The following CACNA1C variants were observed in gnomAD, a reference collection of about 807,000 sequenced individuals.
CACNA1C encodes the protein calcium voltage-gated channel subunit alpha1 C, also known as voltage-dependent L-type calcium channel subunit alpha-1C.
A neutral mutation model predicts 229.0 loss-of-function variants in CACNA1C; 30 were observed. That is an observed-to-expected ratio of 0.13 (90% CI 0.10 to 0.18). CACNA1C has a LOEUF of 0.18. Ranked by LOEUF, CACNA1C falls within the 10% of genes least tolerant of loss-of-function variation. The pLI is 1.00. For synonymous variants in CACNA1C, 1,114 were observed against 1,132.5 expected (o/e 0.98, Z 0.33); for missense variants, 1,658 against 2,845.0 (o/e 0.58, Z 9.49).
At position 2,677,230 on chromosome 12, in the gene CACNA1C, C is replaced by T; in HGVS notation, c.4956+9C>T. The stretch of plus-strand genomic sequence containing the variant: ...ACGCGCTGTCTCTGCAGGTGAGGGC[C>T]TGGGGGCGGGCCCACACTCCAGGAA... On this transcript the variant is annotated intron_variant, in intron 40 of 46. Transcript: ENST00000399655. This position sits in a 1 kb window ranked among gnomAD's most constrained non-coding sequence, Gnocchi z 7.4. 1 of 1,613,104 alleles carries T rather than the reference C, an allele frequency of 6.2e-7. No individual in the cohort carries two copies. Among genetic ancestry groups the T allele is most frequent in the Non-Finnish European group, 8.5e-7 (1 of 1,179,568 alleles).
rs570840881 is a variant in CACNA1C at position 2,071,266 on chromosome 12, G to T, written c.49+17655G>T. 2.7e-5 allele frequency among the ~76,000 whole-genome samples: 4 copies of T among 149,410 alleles called. No individual in the cohort carries two copies. The South Asian group carries it at 8.7e-4, about 32-fold the overall frequency. ...GACAGGGTCTCACTCTGTTGCCCAG[G>T]CTTGAGCACAGTGAGTACTTGGCTC... On this transcript the variant is annotated intron_variant, in intron 1 of 46. Transcript: ENST00000399655.
At chr12:2,444,702 G>A (rs966575835) in intron 3 of CACNA1C, among the ~76,000 whole-genome samples, 2 of 152,088 alleles carry the variant, frequency 1.3e-5, no homozygotes, top group East Asian at 3.9e-4. Flanking sequence ...CATCCACACA[G>A]TCACCCAAAT....
At chr12:2,650,508 C>T (rs1324233406) in intron 31 of CACNA1C, among the ~76,000 whole-genome samples, 6 of 152,284 alleles carry the variant, frequency 3.9e-5, no homozygotes, top group East Asian at 1.9e-4. Flanking sequence ...CATTCTCTCC[C>T]GGTGCCCGCA....
chr12:2,442,643 G>A (rs2099240155), intron 3 of CACNA1C, among the ~76,000 whole-genome samples: 1 of 152,154 alleles, frequency 6.6e-6, no homozygotes, highest in South Asian at 2.1e-4. Flanking sequence ...ACTGGGTAAT[G>A]TATAAGAAAA....
At chr12:2,372,113 C>T (rs970508395) in intron 3 of CACNA1C, among the ~76,000 whole-genome samples, 8 of 152,134 alleles carry the variant, frequency 5.3e-5, no homozygotes, top group Non-Finnish European at 1.0e-4. Flanking sequence ...TGAAACCCCT[C>T]GTTATAAGAA....
chr12:2,150,242 A>G (rs1174886613), intron 3 of CACNA1C, among the ~76,000 whole-genome samples: 1 of 152,196 alleles, frequency 6.6e-6, no homozygotes, highest in Admixed American at 6.5e-5. Context: ...AATAACACGG[A>G]GAATAGGATG....
At chr12:2,432,830 T>C (rs2099099268) in intron 3 of CACNA1C, among the ~76,000 whole-genome samples, 1 of 152,188 alleles carries the variant, frequency 6.6e-6, no homozygotes, top group Admixed American at 6.5e-5. Context: ...CCATATCCCT[T>C]CCAGCTAGAA....
At chr12:2,037,227 A>G (rs770778702) in intron 1 of CACNA1C, among the ~76,000 whole-genome samples, 11 of 152,182 alleles carry the variant, frequency 7.2e-5, no homozygotes, top group Non-Finnish European at 1.3e-4. Context: ...GTAATCTGCT[A>G]TTTACTTGTA....
intron 30 of CACNA1C, among the ~76,000 whole-genome samples, chr12:2,640,666 T>G (rs545597026): frequency 3.3e-5 from 5 of 152,298 alleles, no homozygotes; most frequent in Admixed American, 6.5e-5. Flanking sequence ...GGGATCAGCA[T>G]GTCGGGATAC....
chr12:1,971,191 C>A lies in CACNA1C; in HGVS notation c.129C>A (p.Ile43=), dbSNP rs1489137722. 1 of 1,288,414 alleles carries A rather than the reference C, an allele frequency of 7.8e-7. No homozygotes were observed. Among genetic ancestry groups the A allele is most frequent in the Non-Finnish European group, 1.0e-6 (1 of 987,656 alleles). The allele number at this position is 1,288,414 out of a possible 1,614,324, so 79.8% of individuals were successfully genotyped here. A position where few individuals can be genotyped will look rare whatever the true frequency, so the allele number is the denominator to read the frequency against. Residue 43 remains isoleucine (I), a synonymous_variant, in exon 1 of 47, where the codon ATC becomes ATA. Coordinates refer to the CACNA1C transcript ENST00000682462. The surrounding 1 kb of genome is among the most constrained non-coding windows in gnomAD (Gnocchi z 4.2). ...AAGCTCAACTCAACTATTTCTACAT[C>A]TCTCCTGGAGGTAAGAAACCCTAAA...
At chr12:2,401,309 G>A (rs1409569777) in intron 3 of CACNA1C, among the ~76,000 whole-genome samples, 1 of 152,214 alleles carries the variant, frequency 6.6e-6, no homozygotes, top group African/African-American at 2.4e-5. Flanking sequence ...TTGGGCAGCA[G>A]CCAGGGTGCC....
chr12:2,415,795 C>T (rs1454554985), intron 3 of CACNA1C, among the ~76,000 whole-genome samples: 1 of 152,142 alleles, frequency 6.6e-6, no homozygotes, highest in Non-Finnish European at 1.5e-5. Flanking sequence ...CCCAGCCCCT[C>T]TCTGTCTTTG....
At chr12:2,017,617 C>T (rs1467973551) in intron 1 of CACNA1C, among the ~76,000 whole-genome samples, 1 of 151,206 alleles carries the variant, frequency 6.6e-6, no homozygotes, top group Non-Finnish European at 1.5e-5. Context: ...ACCCACTAAA[C>T]ATGGTGATGT....
chr12:2,497,435 C>T (rs1321269974), intron 7 of CACNA1C, among the ~76,000 whole-genome samples: 1 of 152,200 alleles, frequency 6.6e-6, no homozygotes, highest in Non-Finnish European at 1.5e-5. Flanking sequence ...AGGGGGGCAG[C>T]AGCTAGACTA....
At chr12:2,118,262 G>A (rs139025532) in intron 2 of CACNA1C, among the ~76,000 whole-genome samples, 11 of 152,178 alleles carry the variant, frequency 7.2e-5, no homozygotes, top group Admixed American at 1.3e-4. Context: ...GTGTGTGCAC[G>A]GGTCTGGTTT....
Position 2,679,324 on chromosome 12 carries a change from C to T in CACNA1C, c.5092-120C>T, listed in dbSNP as rs1465408948. 7 of 720,888 alleles carry T rather than the reference C, an allele frequency of 9.7e-6. No individual in the cohort carries two copies. Among genetic ancestry groups the T allele is most frequent in the African/African-American group, 3.6e-5 (2 of 56,110 alleles). The allele number at this position is 720,888 out of a possible 1,614,324, so 44.7% of individuals were successfully genotyped here. On this transcript the variant is annotated intron_variant, in intron 41 of 46. Transcript: ENST00000399655. This position sits in a 1 kb window ranked among gnomAD's most constrained non-coding sequence, Gnocchi z 5.5. ...GGCTCCCAGCAGGGCTGTGCCTACC[C>T]GAAAGAAGGCAGCCCGCCTTCCCAG...
At chr12:2,163,219 A>AG (rs1350245491) in intron 3 of CACNA1C, among the ~76,000 whole-genome samples, 1 of 151,860 alleles carries the variant, frequency 6.6e-6, no homozygotes, top group Admixed American at 6.6e-5. Flanking sequence ...AAAAAAAAAA[A>AG]AAGTGACCAC....
chr12:2,003,989 C>T (rs912343063), intron 1 of CACNA1C, among the ~76,000 whole-genome samples: 2 of 152,166 alleles, frequency 1.3e-5, no homozygotes, highest in African/African-American at 4.8e-5. Flanking sequence ...GGTATCAGGT[C>T]CTTCCTTTCC....
At chr12:1,998,049 T>C (rs1485515448) in intron 1 of CACNA1C, 30 of 1,354,302 alleles carry the variant, frequency 2.2e-5, no homozygotes, top group Non-Finnish European at 5.1e-6. Context: ...CAAATTCTCA[T>C]AGAATAGGAA....
Sources: allele counts gnomAD v4.1 joint callset (sites outside exome capture counted in the v4.1 genomes callset), GRCh38; gene constraint gnomAD v4.1.1; non-coding constraint Gnocchi (gnomAD v3.1); transcripts MANE v1.5; gene names NCBI Gene and HGNC (gene_info 2026-07-23, HGNC 2026-07-21).